The following FRMD4A variants were observed in gnomAD, a reference collection of about 807,000 sequenced individuals.
FRMD4A encodes the protein FERM domain-containing protein 4A.
Under a neutral mutation model 129.1 loss-of-function variants are expected in FRMD4A, and 29 were observed. The observed-to-expected ratio is 0.22, with a 90% CI of 0.17 to 0.31. The LOEUF (loss-of-function observed/expected upper bound fraction) is 0.31, where lower values mean the gene tolerates loss of function less well. Among genes scored for constraint, FRMD4A ranks in the 10% least tolerant of loss-of-function variants. The probability of loss-of-function intolerance (pLI) is 1.00; values close to 1 mark genes in which losing one functional copy is unlikely to be tolerated. For synonymous variants in FRMD4A, 634 were observed against 571.6 expected (o/e 1.11, Z -1.56); for missense variants, 1,272 against 1,375.8 (o/e 0.92, Z 1.19).
intron 16 of FRMD4A, among the ~76,000 whole-genome samples, chr10:13,672,351 A>C (rs1170489071): frequency 6.6e-6 from 1 of 152,036 alleles, no homozygotes; most frequent in Non-Finnish European, 1.5e-5. Context: ...TTATTCCGCA[A>C]CTTTTTTTTA....
At chr10:14,038,267 G>T (rs549776419) in intron 2 of FRMD4A, among the ~76,000 whole-genome samples, 727 of 152,250 alleles carry the variant, frequency 4.8e-3, no homozygotes, top group African/African-American at 0.016. Flanking sequence ...AGCTTGCAGT[G>T]AGCCAAGATC....
chr10:13,783,613 C>T (rs1250840038), intron 5 of FRMD4A, among the ~76,000 whole-genome samples: 1 of 151,988 alleles, frequency 6.6e-6, no homozygotes, highest in Non-Finnish European at 1.5e-5. Flanking sequence ...AATTATCTGC[C>T]CACCTCAGCC....
intron 2 of FRMD4A, among the ~76,000 whole-genome samples, chr10:13,879,786 C>T (rs1314226086): frequency 1.6e-5 from 2 of 122,760 alleles, no homozygotes; most frequent in Non-Finnish European, 3.3e-5. Context: ...TCTTCCTCCT[C>T]CTCCTCCCTT....
intron 2 of FRMD4A, among the ~76,000 whole-genome samples, chr10:14,094,789 C>T (rs1049542660): frequency 1.6e-4 from 25 of 152,274 alleles, no homozygotes; most frequent in Admixed American, 4.6e-4. Flanking sequence ...TCTGCAGCCC[C>T]CCAGAAAGAT....
chr10:13,685,010 T>G (rs2084945200), intron 15 of FRMD4A: 2 of 984,150 alleles, frequency 2.0e-6, no homozygotes, highest in Non-Finnish European at 2.4e-6. Flanking sequence ...GATATTTATT[T>G]CCTTGACAAA....
At chr10:13,959,298 C>A (rs1056834234) in intron 2 of FRMD4A, among the ~76,000 whole-genome samples, 24 of 151,846 alleles carry the variant, frequency 1.6e-4, no homozygotes, top group African/African-American at 5.6e-4. Context: ...ATGGTGAAAC[C>A]CTATCTCTAC....
At chr10:14,194,589 C>G (rs1310960175) in intron 2 of FRMD4A, among the ~76,000 whole-genome samples, 9 of 152,006 alleles carry the variant, frequency 5.9e-5, no homozygotes, top group African/African-American at 1.9e-4. Flanking sequence ...CTCGCCTGGG[C>G]GACACAGCGA....
Position 13,658,151 on chromosome 10 carries a change from A to G in FRMD4A, c.2067-629T>C, listed in dbSNP as rs957265191. ...CTCTCTTAAAAAAAAAAAAAAAAAA[A>G]AAAAAAGAAAACACAAACCAGATGA... is the stretch of plus-strand genomic sequence containing the variant. On this transcript the variant is annotated intron_variant, in intron 21 of 24. Coordinates refer to ENST00000357447, the MANE Select transcript of FRMD4A (RefSeq NM_018027.5). 2.6e-5 allele frequency among the ~76,000 whole-genome samples: 4 copies of G among 151,046 alleles called. No homozygotes were observed. In the East Asian group the frequency reaches 7.7e-4, roughly 29 times the overall value.
chr10:14,188,454 G>A (rs1226279214), intron 2 of FRMD4A, among the ~76,000 whole-genome samples: 6 of 152,006 alleles, frequency 3.9e-5, no homozygotes, highest in Admixed American at 3.9e-4. Flanking sequence ...TTTGCCTCCC[G>A]CCTGCCAAAC....
At chr10:13,884,184 A>ACGCTCACACACACGCT (rs780160804) in intron 2 of FRMD4A, among the ~76,000 whole-genome samples, 59 of 79,568 alleles carry the variant, frequency 7.4e-4, no homozygotes, top group South Asian at 5.0e-3. Flanking sequence ...ACTCACACAC[A>ACGCTCACACACACGCT]CACACACACA....
At chr10:14,057,571 A>ACC (rs1834596035) in intron 2 of FRMD4A, among the ~76,000 whole-genome samples, 1 of 140,378 alleles carries the variant, frequency 7.1e-6, no homozygotes, top group Non-Finnish European at 1.6e-5. Flanking sequence ...TGAATTTATA[A>ACC]TCTTTTTTTT....
chr10:14,024,496 G>A (rs1407733608), intron 2 of FRMD4A, among the ~76,000 whole-genome samples: 4 of 152,292 alleles, frequency 2.6e-5, no homozygotes, highest in Admixed American at 6.5e-5. Flanking sequence ...AAACACCGTC[G>A]GCGTCAAATT....
chr10:14,079,335 T>C (rs1349885817), intron 2 of FRMD4A, among the ~76,000 whole-genome samples: 1 of 152,134 alleles, frequency 6.6e-6, no homozygotes, highest in Non-Finnish European at 1.5e-5. Flanking sequence ...CTGCCCTTGG[T>C]CCATAGAAGG....
chr10:13,899,417 A>C (rs934549050), intron 2 of FRMD4A, among the ~76,000 whole-genome samples: 1 of 152,010 alleles, frequency 6.6e-6, no homozygotes, highest in African/African-American at 2.4e-5. Flanking sequence ...GAGCTTTCCA[A>C]ACTTTAATTT....
intron 2 of FRMD4A, among the ~76,000 whole-genome samples, chr10:14,301,802 G>A (rs1319765149): frequency 6.6e-6 from 1 of 152,144 alleles, no homozygotes; most frequent in Admixed American, 6.5e-5. Flanking sequence ...ATTTGACACT[G>A]CAATTCAAGA....
At chr10:14,132,213 GGGA>G (rs914989364) in intron 2 of FRMD4A, among the ~76,000 whole-genome samples, 21 of 152,244 alleles carry the variant, frequency 1.4e-4, no homozygotes, top group African/African-American at 5.1e-4. Flanking sequence ...GCTTGAGTCT[GGGA>G]GGAGGAGGTT....
intron 2 of FRMD4A, among the ~76,000 whole-genome samples, chr10:14,105,997 A>G (rs749039403): frequency 1.3e-5 from 2 of 152,194 alleles, no homozygotes; most frequent in Non-Finnish European, 2.9e-5. Flanking sequence ...ATCTCTGCCT[A>G]ACTCCATTAA....
At chr10:14,250,541 C>A (rs541957617) in intron 2 of FRMD4A, among the ~76,000 whole-genome samples, 36 of 152,122 alleles carry the variant, frequency 2.4e-4, no homozygotes, top group Non-Finnish European at 2.5e-4. Context: ...TACAACTGCC[C>A]AGGTATAAAA....
chr10:13,698,368 G>C (rs2086439988), intron 14 of FRMD4A, among the ~76,000 whole-genome samples: 1 of 152,170 alleles, frequency 6.6e-6, no homozygotes, highest in African/African-American at 2.4e-5. Flanking sequence ...ATACCAGCCA[G>C]AACTGGCTGC....
Sources: gnomAD v4.1 joint callset for allele counts (sites outside exome capture counted in the v4.1 genomes callset) on GRCh38, gnomAD v4.1.1 for gene constraint, MANE v1.5 for transcripts, NCBI Gene and HGNC (gene_info 2026-07-23, HGNC 2026-07-21) for gene names.